DLGAP2: variants seen among roughly 807,000 people sequenced by gnomAD.
The protein encoded by DLGAP2 is disks large-associated protein 2.
In DLGAP2, 26 loss-of-function variants were observed where a neutral mutation model predicts 100.3. The observed-to-expected ratio is 0.26, with a 90% confidence interval of 0.19 to 0.36. DLGAP2 has a LOEUF of 0.36. Ranked by LOEUF, DLGAP2 falls within the 10% of genes least tolerant of loss-of-function variation. The pLI is 1.00. For synonymous variants in DLGAP2, 886 were observed against 630.1 expected (o/e 1.41, Z -6.08); for missense variants, 1,858 against 1,453.2 (o/e 1.28, Z -4.53).
intron 2 of DLGAP2, among the ~76,000 whole-genome samples, chr8:1,241,924 A>G (rs1021971918): frequency 1.3e-5 from 2 of 152,214 alleles, no homozygotes; most frequent in Non-Finnish European, 2.9e-5. Context: ...AAGTTTTAAT[A>G]TGACAAGGTA....
chr8:1,344,144 G>GTGTACTCA (rs1801495281), intron 3 of DLGAP2, among the ~76,000 whole-genome samples: 1 of 135,066 alleles, frequency 7.4e-6, no homozygotes, highest in African/African-American at 3.0e-5. Context: ...CCGTGTACTC[G>GTGTACTCA]GGGCCCTGTC....
At chr8:1,300,172 G>C (rs984799595) in intron 3 of DLGAP2, 3 of 152,208 alleles carry the variant, frequency 2.0e-5, no homozygotes, top group Non-Finnish European at 4.4e-5. Flanking sequence ...TCAGCCCCTA[G>C]CAATGTTCAA....
intron 3 of DLGAP2, among the ~76,000 whole-genome samples, chr8:1,481,089 G>A (rs1026178838): frequency 2.6e-5 from 4 of 152,006 alleles, no homozygotes; most frequent in East Asian, 1.9e-4. Context: ...GGAGAATGGC[G>A]TGAACCTGGG....
intron 1 of DLGAP2, among the ~76,000 whole-genome samples, chr8:800,951 C>CA (rs1213121589): frequency 3.3e-5 from 5 of 151,914 alleles, no homozygotes; most frequent in Admixed American, 2.0e-4. Context: ...TTGTTGTGCC[C>CA]CCCCACCCTT....
intron 13 of DLGAP2, among the ~76,000 whole-genome samples, chr8:1,696,529 T>G (rs1026080905): frequency 2.0e-5 from 3 of 151,964 alleles, no homozygotes; most frequent in Admixed American, 1.3e-4. Context: ...AGGCAGCTGG[T>G]GGAAATCATG....
At chr8:1,301,056 C>G (rs1327244063) in intron 3 of DLGAP2, 1 of 152,538 alleles carries the variant, frequency 6.6e-6, no homozygotes, top group Admixed American at 6.5e-5. Flanking sequence ...TGTGCGGCCT[C>G]TGCAGCTGAG....
chr8:826,459 A>G (rs1327323783), intron 1 of DLGAP2, among the ~76,000 whole-genome samples: 1 of 152,042 alleles, frequency 6.6e-6, no homozygotes, highest in Non-Finnish European at 1.5e-5. Flanking sequence ...AGGTTTTTTG[A>G]AGGTCAAAGC....
intron 1 of DLGAP2, among the ~76,000 whole-genome samples, chr8:765,211 G>A (rs1179641616): frequency 1.3e-5 from 2 of 152,134 alleles, no homozygotes; most frequent in East Asian, 3.8e-4. Flanking sequence ...TTATTTAAAA[G>A]ATAACTTTAT....
At chr8:1,195,065 A>G (rs12542290) in intron 2 of DLGAP2, among the ~76,000 whole-genome samples, 42,855 of 152,282 alleles carry the variant, frequency 0.28, 6,830 homozygotes, top group African/African-American at 0.43. Context: ...CCGCCCCAGC[A>G]TGAGTGCTCA....
chr8:1,175,469 G>C (rs182867494), intron 2 of DLGAP2, among the ~76,000 whole-genome samples: 40 of 152,268 alleles, frequency 2.6e-4, no homozygotes, highest in African/African-American at 7.9e-4. Context: ...AGCATAATTT[G>C]ATCACTAATA....
chr8:1,449,785 G>C (rs189248999), intron 3 of DLGAP2, among the ~76,000 whole-genome samples: 1 of 148,786 alleles, frequency 6.7e-6, no homozygotes, highest in African/African-American at 2.5e-5. Context: ...AGAAGGAGCC[G>C]TGCTGCACTG....
At chr8:1,605,458 A>T (rs917224782) in intron 6 of DLGAP2, among the ~76,000 whole-genome samples, 2 of 152,166 alleles carry the variant, frequency 1.3e-5, no homozygotes, top group Non-Finnish European at 2.9e-5. Flanking sequence ...AGATGATCAC[A>T]AGAGTCTCTG....
chr8:1,074,317 T>A (rs1487501423), intron 2 of DLGAP2, among the ~76,000 whole-genome samples: 2 of 151,258 alleles, frequency 1.3e-5, no homozygotes, highest in Non-Finnish European at 1.5e-5. Context: ...ACAGAAGGGT[T>A]TGCAGCAGAC....
chr8:1,693,733 C>T (rs1438092833), intron 13 of DLGAP2, among the ~76,000 whole-genome samples: 4 of 152,098 alleles, frequency 2.6e-5, no homozygotes, highest in South Asian at 2.1e-4. Context: ...CTGAAGTTCA[C>T]GGCGATTTTA....
At chr8:1,552,600 C>G (rs1229024008) in intron 5 of DLGAP2, among the ~76,000 whole-genome samples, 1 of 152,206 alleles carries the variant, frequency 6.6e-6, no homozygotes, top group African/African-American at 2.4e-5. Flanking sequence ...GTTTCTGGGT[C>G]CTCACAACCC....
At chr8:942,998 C>T (rs10092185) in intron 2 of DLGAP2, among the ~76,000 whole-genome samples, 12,657 of 152,174 alleles carry the variant, frequency 0.083, 707 homozygotes, top group Non-Finnish European at 0.12. Flanking sequence ...CCTGGGAGTT[C>T]GGGGTTGGAT....
rs532434173 is a variant in DLGAP2 at position 1,108,386 on chromosome 8, G to A, written c.74-150465G>A. On this transcript the variant is annotated intron_variant, in intron 2 of 14. Transcript: ENST00000637795. The stretch of plus-strand genomic sequence containing the variant: ...GGAGCAGCCTTCATGCTTGTTTGAC[G>A]TTGCAGGGCGGCCTGTGATTGAAGC... Among the ~76,000 whole-genome samples, 9 of 152,318 alleles carry A rather than the reference G, an allele frequency of 5.9e-5. No individual in the cohort carries two copies. The South Asian group carries it at 1.9e-3, about 32-fold the overall frequency.
intron 3 of DLGAP2, among the ~76,000 whole-genome samples, chr8:1,472,978 T>A (rs895895297): frequency 1.3e-5 from 2 of 152,216 alleles, no homozygotes; most frequent in African/African-American, 4.8e-5. Context: ...TTGTCCAGGC[T>A]GGAGTGCAGT....
At chr8:843,115 G>T (rs78454089) in intron 1 of DLGAP2, among the ~76,000 whole-genome samples, 19,481 of 152,198 alleles carry the variant, frequency 0.13, 1,401 homozygotes, top group East Asian at 0.24. Flanking sequence ...GATTTGACCA[G>T]GATGATAGCT....
Sources: gnomAD v4.1 joint callset for allele counts (sites outside exome capture counted in the v4.1 genomes callset) on GRCh38, gnomAD v4.1.1 for gene constraint, MANE v1.5 for transcripts, NCBI Gene and HGNC (gene_info 2026-07-23, HGNC 2026-07-21) for gene names.